The following RHOBTB3 variants were observed in gnomAD, a reference collection of about 807,000 sequenced individuals.
RHOBTB3 encodes Rho related BTB domain containing 3.
Under a neutral mutation model 67.2 loss-of-function variants are expected in RHOBTB3, and 47 were observed. The ratio of observed to expected loss-of-function variants is 0.70; its 90% CI spans 0.55 to 0.89. The LOEUF (loss-of-function observed/expected upper bound fraction) is 0.89. RHOBTB3 is among the 40% of genes least tolerant of loss of function. The pLI is 0.00. For synonymous variants in RHOBTB3, 273 were observed against 274.2 expected (o/e 1.00, Z 0.04); for missense variants, 631 against 750.0 (o/e 0.84, Z 1.85).
chr5:95,763,675 A>G (rs1199141600), intron 7 of RHOBTB3, 55 bp downstream of exon 7: 17 of 969,016 alleles, frequency 1.8e-5, no homozygotes, highest in Admixed American at 3.6e-5. Flanking sequence ...TATAACTCAC[A>G]TACTATGATG....
chr5:95,731,174 G>A (rs998854247), upstream of RHOBTB3: 6 of 1,008,150 alleles, frequency 6.0e-6, no homozygotes, highest in African/African-American at 1.7e-5. Flanking sequence ...GTGTCCAGCC[G>A]CCGCCACCGG....
At chr5:95,753,478 T>C (rs1326999188) in intron 5 of RHOBTB3, among the ~76,000 whole-genome samples, 1 of 152,180 alleles carries the variant, frequency 6.6e-6, no homozygotes, top group Non-Finnish European at 1.5e-5. Flanking sequence ...TTCTGCATGA[T>C]TTTGTAATAG....
intron 2 of RHOBTB3, chr5:95,732,688 A>G (rs1034604996): frequency 1.6e-5 from 2 of 129,006 alleles, no homozygotes; most frequent in African/African-American, 5.4e-5. Flanking sequence ...TAAATCAGAA[A>G]TAACATTACT....
intron 3 of RHOBTB3, among the ~76,000 whole-genome samples, chr5:95,747,043 C>A (rs1352611037): frequency 6.6e-6 from 1 of 152,158 alleles, no homozygotes; most frequent in East Asian, 1.9e-4. Context: ...GTACTTACTC[C>A]CTCAGTTATT....
chr5:95,783,717 T>G, intron 9 of RHOBTB3, 80 bp from the exon 10 acceptor site: 1 of 1,230,468 alleles, frequency 8.1e-7, no homozygotes, highest in Non-Finnish European at 1.1e-6. Flanking sequence ...TAATTGTTGT[T>G]TTTTGTTGGT....
intron 5 of RHOBTB3, among the ~76,000 whole-genome samples, chr5:95,754,418 A>G (rs2112798601): frequency 6.6e-6 from 1 of 152,338 alleles, no homozygotes; most frequent in East Asian, 1.9e-4. Flanking sequence ...ACTGGAATAC[A>G]GTGCAGGGAG....
At chr5:95,776,159 C>A (rs1029836492) in intron 8 of RHOBTB3, among the ~76,000 whole-genome samples, 3 of 152,114 alleles carry the variant, frequency 2.0e-5, no homozygotes, top group Non-Finnish European at 4.4e-5. Context: ...GTAATCCCAG[C>A]ACTTTTGGAG....
intron 8 of RHOBTB3, among the ~76,000 whole-genome samples, chr5:95,774,912 A>G (rs1040744715): frequency 5.3e-5 from 8 of 152,200 alleles, no homozygotes; most frequent in African/African-American, 1.7e-4. Flanking sequence ...TATATATGAT[A>G]GCATTGACTC....
intron 3 of RHOBTB3, among the ~76,000 whole-genome samples, chr5:95,746,285 C>T (rs928542948): frequency 6.6e-6 from 1 of 152,044 alleles, no homozygotes; most frequent in African/African-American, 2.4e-5. Context: ...CACTTTTCCA[C>T]TTGAAACACT....
chr5:95,772,234 T>TA (rs1745736437), intron 8 of RHOBTB3, among the ~76,000 whole-genome samples: 1 of 152,172 alleles, frequency 6.6e-6, no homozygotes, highest in African/African-American at 2.4e-5. Context: ...ATGGTGAACA[T>TA]ATGAGAGTAG....
chr5:95,783,029 T>TA (rs923490363), intron 9 of RHOBTB3, among the ~76,000 whole-genome samples: 61 of 150,574 alleles, frequency 4.1e-4, no homozygotes, highest in African/African-American at 9.9e-4. Flanking sequence ...TCTGAAGAAT[T>TA]AAAAAAAAAT....
chr5:95,733,068 T>TA (rs1157047763), intron 2 of RHOBTB3, among the ~76,000 whole-genome samples: 1 of 152,190 alleles, frequency 6.6e-6, no homozygotes, highest in Non-Finnish European at 1.5e-5. Flanking sequence ...CACGCCATTC[T>TA]AAAAAATGTG....
At chr5:95,735,259 C>CTTTTTTTT (rs10718378) in intron 2 of RHOBTB3, among the ~76,000 whole-genome samples, 2 of 133,692 alleles carry the variant, frequency 1.5e-5, no homozygotes, top group Admixed American at 7.4e-5. Context: ...CATATTTTGC[C>CTTTTTTTT]TTTTTTTTTT....
chr5:95,745,823 A>G (rs570313317), intron 3 of RHOBTB3, among the ~76,000 whole-genome samples: 1 of 152,230 alleles, frequency 6.6e-6, no homozygotes, highest in South Asian at 2.1e-4. Flanking sequence ...ATGTAAATTA[A>G]TTTAATTTAG....
chr5:95,731,116 G>A, upstream of RHOBTB3: 1 of 1,074,350 alleles, frequency 9.3e-7, no homozygotes, highest in Non-Finnish European at 1.1e-6. Flanking sequence ...CTGGGGCGTT[G>A]TATTTATTAA....
chr5:95,791,023 CCA>C (rs1746369379), intron 11 of RHOBTB3, among the ~76,000 whole-genome samples: 1 of 152,196 alleles, frequency 6.6e-6, no homozygotes, highest in Non-Finnish European at 1.5e-5. Context: ...TCACTTCTCT[CCA>C]GTGCTTTACA....
chr5:95,791,826 A>G (rs772164145), intron 11 of RHOBTB3, among the ~76,000 whole-genome samples: 2 of 151,980 alleles, frequency 1.3e-5, no homozygotes, highest in Non-Finnish European at 2.9e-5. Context: ...GATTACAGAC[A>G]TGAGCCATCG....
At chr5:95,722,898 T>C (rs867756206) in intron 1 of RHOBTB3, among the ~76,000 whole-genome samples, 28 of 152,024 alleles carry the variant, frequency 1.8e-4, no homozygotes, top group African/African-American at 6.8e-4. Flanking sequence ...AAACAGGGAG[T>C]TCTGATTCAA....
rs565220122 is a variant in RHOBTB3, at chr5:95,772,879, C to T, written c.1282+4713C>T. Among the ~76,000 whole-genome samples, 25 of 152,238 alleles carry T rather than the reference C, an allele frequency of 1.6e-4. No homozygotes were observed. In the South Asian group the frequency reaches 5.0e-3, roughly 30 times the overall value. ...GAAAGAGGGTCCATCTCTTTGCCAG[C>T]GATGTTCATTTTGCAGCATAGTTTG... On this transcript the variant is annotated intron_variant, in intron 8 of 11. Transcript: ENST00000379982.
Sources: gnomAD v4.1 joint callset for allele counts (sites outside exome capture counted in the v4.1 genomes callset) on GRCh38, gnomAD v4.1.1 for gene constraint, MANE v1.5 for transcripts, NCBI Gene and HGNC (gene_info 2026-07-23, HGNC 2026-07-21) for gene names.